SH3GL2: variants seen among roughly 807,000 people sequenced by gnomAD.
SH3GL2 encodes the protein SH3 domain containing GRB2 like 2, endophilin A1.
SH3GL2 carries 24 observed loss-of-function variants against 46.0 expected under a neutral mutation model. That is an observed-to-expected ratio of 0.52 (90% CI 0.38 to 0.73). The LOEUF is 0.73. Among genes scored for constraint, SH3GL2 ranks in the 30% least tolerant of loss-of-function variants. The pLI, the probability that SH3GL2 is intolerant of heterozygous loss-of-function variation, is 0.00. For missense variants in SH3GL2, 413 were observed against 424.2 expected (o/e 0.97, Z 0.23); for synonymous variants, 196 against 147.1 (o/e 1.33, Z -2.40).
intron 1 of SH3GL2, among the ~76,000 whole-genome samples, chr9:17,601,084 G>C (rs1818660050): frequency 6.6e-6 from 1 of 152,012 alleles, no homozygotes; most frequent in Non-Finnish European, 1.5e-5. Context: ...CTTTTCCCTG[G>C]GTGCCTCATG....
intron 7 of SH3GL2, among the ~76,000 whole-genome samples, chr9:17,792,233 T>C (rs1175440043): frequency 2.0e-5 from 3 of 152,336 alleles, no homozygotes; most frequent in African/African-American, 7.2e-5. Context: ...CATGGTTTAA[T>C]TGAGCATTTT....
intron 1 of SH3GL2, among the ~76,000 whole-genome samples, chr9:17,736,504 G>C (rs1237137199): frequency 6.6e-6 from 1 of 152,004 alleles, no homozygotes; most frequent in African/African-American, 2.4e-5. Flanking sequence ...TGTTACCTAA[G>C]GTAAAGCTTA....
At chr9:17,659,699 C>T (rs1820167947) in intron 1 of SH3GL2, among the ~76,000 whole-genome samples, 1 of 152,062 alleles carries the variant, frequency 6.6e-6, no homozygotes, top group South Asian at 2.1e-4. Context: ...AGATGTGGCT[C>T]AGAATTAGTG....
intron 1 of SH3GL2, among the ~76,000 whole-genome samples, chr9:17,728,452 A>T (rs1822080827): frequency 1.3e-5 from 2 of 152,018 alleles, no homozygotes; most frequent in South Asian, 2.1e-4. Context: ...TTATTTTTAA[A>T]TTTTTAAAAT....
At chr9:17,667,986 A>G (rs1275089005) in intron 1 of SH3GL2, among the ~76,000 whole-genome samples, 3 of 152,264 alleles carry the variant, frequency 2.0e-5, no homozygotes, top group South Asian at 2.1e-4. Context: ...TCCTTTGCCC[A>G]TTTTAAATAT....
chr9:17,723,831 G>T lies in SH3GL2; in HGVS notation c.46-23235G>T, dbSNP rs564321952. On this transcript the variant is annotated intron_variant, in intron 1 of 8. Transcript: ENST00000380607. The stretch of plus-strand genomic sequence containing the variant: ...GAATGTGTCATCCTAGTGTCATCTG[G>T]CCTCCATTGTTACAGATAAGAAGTC... Among the ~76,000 whole-genome samples the T allele has an allele frequency of 2.0e-5, 3 of 152,010 alleles. No homozygotes were observed. In the East Asian group the frequency reaches 5.8e-4, roughly 30 times the overall value.
In SH3GL2 at chr9:17,787,522, A is replaced by C. The variant is rs993956561; in HGVS notation, c.465+9A>C. The C allele has an allele frequency of 6.2e-7, 1 of 1,609,994 alleles. No individual in the cohort carries two copies. Among genetic ancestry groups the C allele is most frequent in the African/African-American group, 1.3e-5 (1 of 74,798 alleles). On this transcript the variant is annotated intron_variant, in intron 5 of 8. Coordinates refer to ENST00000380607, the MANE Select transcript of SH3GL2 (RefSeq NM_003026.5). Reference sequence around the variant, plus strand: ...ATCTTAGGGAAATTCAAGTATGTACAATGAGTCTTCTGGAAAGTGGGCAGT... The same window carrying C: ...ATCTTAGGGAAATTCAAGTATGTACCATGAGTCTTCTGGAAAGTGGGCAGT...
chr9:17,691,133 G>C (rs956031633), intron 1 of SH3GL2, among the ~76,000 whole-genome samples: 1 of 152,130 alleles, frequency 6.6e-6, no homozygotes, highest in African/African-American at 2.4e-5. Context: ...GGTGCCACAG[G>C]CTAGATTTTC....
intron 1 of SH3GL2, chr9:17,589,102 C>A (rs1818431758): frequency 6.6e-6 from 1 of 152,298 alleles, no homozygotes; most frequent in African/African-American, 2.4e-5. Flanking sequence ...TATGTACATA[C>A]ACAACATACA....
chr9:17,790,408 G>C, intron 6 of SH3GL2: 1 of 984,062 alleles, frequency 1.0e-6, no homozygotes, highest in Non-Finnish European at 1.2e-6. Flanking sequence ...CCTTACTCCT[G>C]ACTGTGGCAG....
chr9:17,752,926 AT>A (rs1358559553), intron 2 of SH3GL2, among the ~76,000 whole-genome samples: 1 of 151,714 alleles, frequency 6.6e-6, no homozygotes, highest in Non-Finnish European at 1.5e-5. Flanking sequence ...TGTTCTCATC[AT>A]TTTTGTCCCA....
chr9:17,609,278 GT>G (rs920938770), intron 1 of SH3GL2, among the ~76,000 whole-genome samples: 23 of 148,790 alleles, frequency 1.5e-4, no homozygotes, highest in East Asian at 7.9e-4. Flanking sequence ...GGTAGTCAGA[GT>G]TTTTTTTTTT....
chr9:17,668,628 T>A lies in SH3GL2; in HGVS notation c.46-78438T>A, dbSNP rs1286702188. On this transcript the variant is annotated intron_variant, in intron 1 of 8. Transcript: ENST00000380607. The stretch of plus-strand genomic sequence containing the variant: ...CCTTATAATTCTGTCATTTTCAAAA[T>A]GGCTGTTCTTTTGTCTCAGAACCAT... Among the ~76,000 whole-genome samples the A allele has an allele frequency of 2.0e-5, 3 of 151,752 alleles. No homozygotes were observed. The South Asian group carries it at 6.3e-4, about 32-fold the overall frequency.
chr9:17,739,837 C>G (rs3808686), intron 1 of SH3GL2, among the ~76,000 whole-genome samples: 39 of 151,912 alleles, frequency 2.6e-4, no homozygotes, highest in African/African-American at 8.9e-4. Context: ...TTTTTCACCT[C>G]GGGGAAATGG....
intron 1 of SH3GL2, among the ~76,000 whole-genome samples, chr9:17,691,065 A>T (rs1821064704): frequency 6.6e-6 from 1 of 152,178 alleles, no homozygotes; most frequent in Non-Finnish European, 1.5e-5. Flanking sequence ...GAAACCTCTT[A>T]TTACCAATAA....
At chr9:17,753,871 G>A (rs1277087871) in intron 2 of SH3GL2, among the ~76,000 whole-genome samples, 1 of 152,092 alleles carries the variant, frequency 6.6e-6, no homozygotes, top group Non-Finnish European at 1.5e-5. Flanking sequence ...GTAAGGAAGG[G>A]GTCCAGTTTC....
At chr9:17,583,346 G>T (rs936621067) in intron 1 of SH3GL2, among the ~76,000 whole-genome samples, 1 of 152,184 alleles carries the variant, frequency 6.6e-6, no homozygotes, top group African/African-American at 2.4e-5. Context: ...CCTTTAGGAG[G>T]TGACTAAGTC....
At chr9:17,687,524 C>T (rs145343613) in intron 1 of SH3GL2, among the ~76,000 whole-genome samples, 331 of 140,878 alleles carry the variant, frequency 2.3e-3, no homozygotes, top group African/African-American at 9.6e-3. Flanking sequence ...ATTGTAAATA[C>T]AATTGTCAAC....
intron 1 of SH3GL2, among the ~76,000 whole-genome samples, chr9:17,645,717 C>G (rs565795135): frequency 5.3e-5 from 8 of 152,102 alleles, no homozygotes; most frequent in Non-Finnish European, 1.0e-4. Context: ...TCTTCTGGCT[C>G]CTAGGGTTTC....
Sources: gnomAD v4.1 joint callset for allele counts (sites outside exome capture counted in the v4.1 genomes callset) on GRCh38, gnomAD v4.1.1 for gene constraint, MANE v1.5 for transcripts, NCBI Gene and HGNC (gene_info 2026-07-23, HGNC 2026-07-21) for gene names.